TNFSF15: variants seen among roughly 807,000 people sequenced by gnomAD.
The protein encoded by TNFSF15 is TNF superfamily member 15, also known as tumor necrosis factor ligand superfamily member 15.
Under a neutral mutation model 26.4 loss-of-function variants are expected in TNFSF15, and 15 were observed. The observed-to-expected ratio is 0.57, with a 90% CI of 0.38 to 0.87. The LOEUF (loss-of-function observed/expected upper bound fraction) is 0.87. Ranked by LOEUF, TNFSF15 falls within the 40% of genes least tolerant of loss-of-function variation. The pLI is 0.00. For missense variants in TNFSF15, 290 were observed against 306.1 expected, an observed-to-expected ratio of 0.95 and a Z score of 0.39; for synonymous variants, 116 against 115.0, an observed-to-expected ratio of 1.01 and a Z score of -0.06.
intron 3 of TNFSF15, chr9:114,791,616 T>C (rs1167070045): frequency 1.2e-5 from 2 of 168,048 alleles, no homozygotes; most frequent in Non-Finnish European, 2.9e-5. Flanking sequence ...TTTCAGTGGG[T>C]TCTAACATAT....
chr9:114,798,387 T>C (rs1285445250), intron 1 of TNFSF15, among the ~76,000 whole-genome samples: 1 of 151,990 alleles, frequency 6.6e-6, no homozygotes, highest in Non-Finnish European at 1.5e-5. Context: ...TTTTTTTGTA[T>C]GTTGACTGGT....
chr9:114,803,985 T>C (rs747130595), intron 1 of TNFSF15, among the ~76,000 whole-genome samples: 22 of 152,218 alleles, frequency 1.4e-4, no homozygotes, highest in Non-Finnish European at 2.5e-4. Flanking sequence ...AATATTCTTC[T>C]ACAAATGCAC....
Position 114,790,791 on chromosome 9 carries a change from C to G in TNFSF15, c.417G>C (p.Leu139=), listed in dbSNP as rs755215380. The G allele has an allele frequency of 9.3e-6, 15 of 1,613,904 alleles. No individual in the cohort carries two copies. The highest frequency in any genetic ancestry group is 4.4e-5 in the South Asian group (4 of 91,040). The change falls in exon 4 of 4, where the codon CTG becomes CTC. Residue 139 remains leucine, a synonymous_variant. Transcript: ENST00000374045. ...KNRMNYTNKF[L]LIPESGDYFI... ...AGTAGTCTCCCGACTCTGGGATCAG[C>G]AGGAATTTGTTGGTATAGTTCATTC... is the stretch of plus-strand genomic sequence containing the variant.
At chr9:114,791,821 C>T (rs55785761) in intron 3 of TNFSF15, 4,152 of 168,110 alleles carry the variant, frequency 0.025, 253 homozygotes, top group East Asian at 0.12. Flanking sequence ...GAAACACCTC[C>T]CTGAAGGTAA....
rs1829475705 is a variant in TNFSF15 at position 114,785,074 on chromosome 9, C to G, written c.*5378G>C. On this transcript the variant is annotated 3_prime_UTR_variant, in exon 4 of 4. Coordinates refer to ENST00000374045, the MANE Select transcript of TNFSF15 (RefSeq NM_005118.4). ...GCCTGTCGCATTCCTTCTCAGCTCTCCAGTATCCAGGCAAGTGCTGCCACG... is the reference window on the plus strand; with the variant it reads ...GCCTGTCGCATTCCTTCTCAGCTCTGCAGTATCCAGGCAAGTGCTGCCACG... 6.6e-6 allele frequency: 1 copy of G among 152,254 alleles called. No individual in the cohort carries two copies. Among genetic ancestry groups the G allele is most frequent in the African/African-American group, 2.4e-5 (1 of 41,464 alleles). 9.4% of individuals were successfully genotyped at this position (152,254 alleles called of 1,614,324 possible).
At chr9:114,801,868 T>C (rs1023074729) in intron 1 of TNFSF15, among the ~76,000 whole-genome samples, 2 of 152,210 alleles carry the variant, frequency 1.3e-5, no homozygotes, top group African/African-American at 2.4e-5. Flanking sequence ...GGTTTATAAA[T>C]GACTCCCTCC....
chr9:114,793,546 G>A lies in TNFSF15; in HGVS notation c.233C>T (p.Ala78Val). ...CTTACAAACTTGCTGATGTGAAGGT[G>A]CAAACTCCTGTCCTTTTAGAGCCTA... ...QFQALKGQEFAPSHQQVYAPL... is the reference protein window; with the variant it reads ...QFQALKGQEFVPSHQQVYAPL... The change falls in exon 2 of 4, where the codon GCA (alanine) becomes GTA (valine). Residue 78 changes from alanine to valine, a missense_variant. Ala to Val is a moderately conservative substitution (Grantham distance 64, BLOSUM62 0). Transcript: ENST00000374045. 1 of 1,613,834 alleles carries A rather than the reference G, an allele frequency of 6.2e-7. No homozygotes were observed. The highest frequency in any genetic ancestry group is 2.2e-5 in the East Asian group (1 of 44,878).
At chr9:114,800,786 G>C (rs1316253482) in intron 1 of TNFSF15, among the ~76,000 whole-genome samples, 2 of 152,138 alleles carry the variant, frequency 1.3e-5, no homozygotes, top group African/African-American at 2.4e-5. Context: ...AAAATATTTA[G>C]TGTGGTTTCT....
rs2131299778 is a variant in TNFSF15 at position 114,786,213 on chromosome 9, A to G, written c.*4239T>C. The G allele has an allele frequency of 6.6e-6, 1 of 152,402 alleles. No homozygotes were observed. The highest frequency in any genetic ancestry group is 1.9e-4 in the East Asian group (1 of 5,192). 9.4% of individuals were successfully genotyped at this position (152,402 alleles called of 1,614,324 possible). The stretch of plus-strand genomic sequence containing the variant: ...TACACTTGAAAATTCTGCTACAAAT[A>G]TCAAAACACTTCTAGGACTCTGGGC... On this transcript the variant is annotated 3_prime_UTR_variant, in exon 4 of 4. Coordinates refer to ENST00000374045, the MANE Select transcript of TNFSF15 (RefSeq NM_005118.4).
At chr9:114,798,092 A>G (rs1323253742) in intron 1 of TNFSF15, among the ~76,000 whole-genome samples, 3 of 152,210 alleles carry the variant, frequency 2.0e-5, no homozygotes, top group Admixed American at 6.5e-5. Flanking sequence ...CCTATTAAAA[A>G]TGTTTGTCAT....
chr9:114,800,367 C>T (rs574096242), intron 1 of TNFSF15, among the ~76,000 whole-genome samples: 12 of 152,228 alleles, frequency 7.9e-5, no homozygotes, highest in Admixed American at 2.0e-4. Flanking sequence ...CAGATAGGTG[C>T]CCTCAGGGGA....
intron 3 of TNFSF15, 134 bp from the exon 4 acceptor site, chr9:114,791,040 G>T: frequency 1.3e-6 from 1 of 783,672 alleles, no homozygotes; most frequent in Non-Finnish European, 2.1e-6. Flanking sequence ...CTTTGGGGAG[G>T]AATGAATGAA....
intron 1 of TNFSF15, among the ~76,000 whole-genome samples, chr9:114,795,793 A>G (rs554570364): frequency 6.6e-6 from 1 of 152,126 alleles, no homozygotes; most frequent in Non-Finnish European, 1.5e-5. Context: ...GCATCTGTAC[A>G]CGTGTCTGTG....
At chr9:114,793,397 C>G (rs1375610490) in intron 2 of TNFSF15, 129 bp downstream of exon 2, 1 of 1,090,578 alleles carries the variant, frequency 9.2e-7, no homozygotes, top group Admixed American at 1.9e-5. Flanking sequence ...CCTCATTTCT[C>G]CTCTGGATTT....
rs941460618 is a variant in TNFSF15, at chr9:114,792,458, T to G, written c.254-4A>C. 6.2e-7 allele frequency: 1 copy of G among 1,614,098 alleles called. No individual in the cohort carries two copies. Among genetic ancestry groups the G allele is most frequent in the African/African-American group, 1.3e-5 (1 of 75,036 alleles). On this transcript the variant is annotated splice_polypyrimidine_tract_variant and splice_region_variant and intron_variant, in intron 2 of 3. Transcript: ENST00000374045. Reference sequence around the variant, plus strand: ...CCGTCTGCTCTAAGAGGTGCATCTGTAACAAAAGGAGAAATGTGCTTTGTA... The same window carrying G: ...CCGTCTGCTCTAAGAGGTGCATCTGGAACAAAAGGAGAAATGTGCTTTGTA...
rs1011946556 is a variant in TNFSF15, at chr9:114,789,476, G to T, written c.*976C>A. 1.3e-5 allele frequency: 2 copies of T among 152,172 alleles called. No individual in the cohort carries two copies. The highest frequency in any genetic ancestry group is 2.4e-5 in the African/African-American group (1 of 41,418). The allele number at this position is 152,172 out of a possible 1,614,324, so 9.4% of individuals were successfully genotyped here. ...ATTACAGCCATGCGCTACCACGCCC[G>T]GCTAATTTTGTATTTTTAGTAGAGA... On this transcript the variant is annotated 3_prime_UTR_variant, in exon 4 of 4. Transcript: ENST00000374045.
rs1944008142 is a variant in TNFSF15, at chr9:114,786,248, G to C, written c.*4204C>G. On this transcript the variant is annotated 3_prime_UTR_variant, in exon 4 of 4. Transcript: ENST00000374045. Reference sequence around the variant, plus strand: ...TTCTAGGACTCTGGGCCATAGGAAAGCCAGAAATCTTAAGGCAAGAGATGT... The same window carrying C: ...TTCTAGGACTCTGGGCCATAGGAAACCCAGAAATCTTAAGGCAAGAGATGT... 6.6e-6 allele frequency: 1 copy of C among 152,226 alleles called. No homozygotes were observed. The highest frequency in any genetic ancestry group is 2.4e-5 in the African/African-American group (1 of 41,460). The allele number at this position is 152,226 out of a possible 1,614,324, so 9.4% of individuals were successfully genotyped here.
intron 1 of TNFSF15, among the ~76,000 whole-genome samples, chr9:114,798,648 G>C (rs1319172413): frequency 6.6e-6 from 1 of 152,114 alleles, no homozygotes; most frequent in Non-Finnish European, 1.5e-5. Flanking sequence ...AACTGTCCAA[G>C]GTCAAAGAGT....
chr9:114,790,931 A>G, intron 3 of TNFSF15, 25 bp from the exon 4 acceptor site: 1 of 1,609,148 alleles, frequency 6.2e-7, no homozygotes, highest in Middle Eastern at 1.7e-4. Context: ...AAGAGGATTA[A>G]TTTTCTCATT....
Sources: gnomAD v4.1 joint callset for allele counts (sites outside exome capture counted in the v4.1 genomes callset) on GRCh38, gnomAD v4.1.1 for gene constraint, MANE v1.5 for transcripts, NCBI Gene and HGNC (gene_info 2026-07-23, HGNC 2026-07-21) for gene names.